The following CSMD1 variants were observed in gnomAD, a reference collection of about 807,000 sequenced individuals.
CSMD1 encodes the protein CUB and Sushi multiple domains 1.
Under a neutral mutation model 417.5 loss-of-function variants are expected in CSMD1, and 213 were observed. That is an observed-to-expected ratio of 0.51 (90% confidence interval 0.46 to 0.57). The LOEUF is 0.57. CSMD1 is among the 20% of genes least tolerant of loss of function. The pLI, the probability that CSMD1 is intolerant of heterozygous loss-of-function variation, is 0.00. For synonymous variants in CSMD1, 2,862 were observed against 1,736.8 expected, an observed-to-expected ratio of 1.65 and a Z score of -16.11; for missense variants, 6,923 against 4,529.7, an observed-to-expected ratio of 1.53 and a Z score of -15.17.
At chr8:3,243,245 C>A (rs1013271796) in intron 26 of CSMD1, among the ~76,000 whole-genome samples, 1 of 152,056 alleles carries the variant, frequency 6.6e-6, no homozygotes, top group Non-Finnish European at 1.5e-5. Context: ...GGATCTTTTT[C>A]ACGGAGCAAA....
chr8:3,637,185 C>T (rs4515570), intron 7 of CSMD1, among the ~76,000 whole-genome samples: 2 of 151,986 alleles, frequency 1.3e-5, no homozygotes, highest in Admixed American at 6.5e-5. Context: ...AATTGTTTAA[C>T]ACAGTTTTTA....
intron 1 of CSMD1, among the ~76,000 whole-genome samples, chr8:4,705,254 A>T (rs543131164): frequency 6.6e-6 from 1 of 151,910 alleles, no homozygotes; most frequent in African/African-American, 2.4e-5. Flanking sequence ...AGTCTCTGGT[A>T]TTTTTTTTAT....
intron 5 of CSMD1, among the ~76,000 whole-genome samples, chr8:3,769,943 G>A (rs571120462): frequency 1.3e-5 from 2 of 152,328 alleles, no homozygotes; most frequent in South Asian, 4.1e-4. Flanking sequence ...CAAAAAATAG[G>A]CTTTGGGAAG....
chr8:3,500,451 CA>C (rs549827688), intron 10 of CSMD1, among the ~76,000 whole-genome samples: 2 of 152,124 alleles, frequency 1.3e-5, no homozygotes, highest in Non-Finnish European at 2.9e-5. Flanking sequence ...TCCCTAACCA[CA>C]GATGCCACCT....
intron 3 of CSMD1, among the ~76,000 whole-genome samples, chr8:4,169,699 T>G (rs1469939878): frequency 6.6e-6 from 1 of 152,124 alleles, no homozygotes; most frequent in Non-Finnish European, 1.5e-5. Context: ...CCCTGCCCTG[T>G]GCATGGCTTG....
At chr8:4,357,793 C>A (rs891242494) in intron 3 of CSMD1, among the ~76,000 whole-genome samples, 2 of 151,880 alleles carry the variant, frequency 1.3e-5, no homozygotes, top group Admixed American at 6.6e-5. Flanking sequence ...GATGGGGAGA[C>A]AGAGGAGGAG....
chr8:4,362,899 A>G (rs1440052732), intron 3 of CSMD1, among the ~76,000 whole-genome samples: 1 of 152,232 alleles, frequency 6.6e-6, no homozygotes. Context: ...AAGTAATTTA[A>G]TTAAATGTAA....
intron 3 of CSMD1, among the ~76,000 whole-genome samples, chr8:4,055,437 C>T (rs1398946073): frequency 2.0e-5 from 3 of 151,766 alleles, no homozygotes; most frequent in Non-Finnish European, 2.9e-5. Flanking sequence ...AAAATCAGAT[C>T]AGCATTTTGA....
intron 3 of CSMD1, among the ~76,000 whole-genome samples, chr8:4,241,676 T>C (rs1163270675): frequency 1.3e-5 from 2 of 151,398 alleles, no homozygotes; most frequent in African/African-American, 4.9e-5. Flanking sequence ...TCCATCCAGA[T>C]AAGAAATGGG....
intron 6 of CSMD1, among the ~76,000 whole-genome samples, chr8:3,709,438 G>A (rs1160321121): frequency 4.6e-5 from 7 of 152,100 alleles, no homozygotes; most frequent in Admixed American, 3.9e-4. Context: ...AGTTTTATGT[G>A]TGAACCTGAC....
intron 3 of CSMD1, among the ~76,000 whole-genome samples, chr8:4,214,197 C>G (rs1800493330): frequency 6.6e-6 from 1 of 152,032 alleles, no homozygotes; most frequent in Admixed American, 6.5e-5. Flanking sequence ...GGATACGGCT[C>G]AATAGATGGA....
intron 12 of CSMD1, among the ~76,000 whole-genome samples, chr8:3,467,207 G>T (rs1454040280): frequency 6.6e-6 from 1 of 152,192 alleles, no homozygotes; most frequent in African/African-American, 2.4e-5. Flanking sequence ...TCTCTTCATA[G>T]TCAAGGATGC....
chr8:4,126,428 G>C (rs777413068), intron 3 of CSMD1, among the ~76,000 whole-genome samples: 3 of 152,222 alleles, frequency 2.0e-5, no homozygotes, highest in Non-Finnish European at 4.4e-5. Flanking sequence ...GCACCCTAGC[G>C]AAGACACAAA....
At chr8:3,956,186 T>A (rs1045149843) in intron 5 of CSMD1, among the ~76,000 whole-genome samples, 2 of 152,336 alleles carry the variant, frequency 1.3e-5, no homozygotes, top group East Asian at 1.9e-4. Context: ...AATTTTGGGG[T>A]ATTAACCATA....
chr8:4,397,455 C>A (rs181782501), intron 3 of CSMD1, among the ~76,000 whole-genome samples: 1 of 148,714 alleles, frequency 6.7e-6, no homozygotes, highest in African/African-American at 2.5e-5. Context: ...TCGGGAGATA[C>A]GTGATCTGTT....
At chr8:3,534,290 A>T (rs1347810403) in intron 10 of CSMD1, among the ~76,000 whole-genome samples, 1 of 152,056 alleles carries the variant, frequency 6.6e-6, no homozygotes, top group Non-Finnish European at 1.5e-5. Flanking sequence ...AAATTTATTA[A>T]TTTCCTTCAT....
intron 12 of CSMD1, among the ~76,000 whole-genome samples, chr8:3,447,733 G>A (rs961577613): frequency 2.6e-5 from 4 of 152,212 alleles, no homozygotes; most frequent in Non-Finnish European, 4.4e-5. Context: ...GGATGGACAG[G>A]TCACTTGGAG....
At position 3,993,644 on chromosome 8, in the gene CSMD1, T is replaced by C. The variant is rs540401392; in HGVS notation, c.818+4259A>G. Among the ~76,000 whole-genome samples, 7 of 152,338 alleles carry C rather than the reference T, an allele frequency of 4.6e-5. No individual in the cohort carries two copies. In the East Asian group the frequency reaches 1.2e-3, roughly 25 times the overall value. The stretch of plus-strand genomic sequence containing the variant: ...CCAGATAGGCAAAAGGGTCAAGTTA[T>C]GCTGGTTCATGAAAAATAGAGCTTA... On this transcript the variant is annotated intron_variant, in intron 5 of 69. Transcript: ENST00000635120.
chr8:4,333,042 C>T (rs2128891626), intron 3 of CSMD1, among the ~76,000 whole-genome samples: 1 of 152,034 alleles, frequency 6.6e-6, no homozygotes, highest in Non-Finnish European at 1.5e-5. Context: ...ACACAGCAAC[C>T]ATTTTAAATG....
Sources: allele counts gnomAD v4.1 joint callset (sites outside exome capture counted in the v4.1 genomes callset), GRCh38; gene constraint gnomAD v4.1.1; transcripts MANE v1.5; gene names NCBI Gene and HGNC (gene_info 2026-07-23, HGNC 2026-07-21).